Variants in CHD6 observed in about 807,000 individuals in gnomAD.
The protein encoded by CHD6 is chromodomain helicase DNA binding protein 6.
Under a neutral mutation model 276.9 loss-of-function variants are expected in CHD6, and 50 were observed. The observed-to-expected ratio is 0.18, with a 90% CI of 0.14 to 0.23. CHD6 has a LOEUF of 0.23. Ranked by LOEUF, CHD6 falls within the 10% of genes least tolerant of loss-of-function variation. The pLI is 1.00. For synonymous variants in CHD6, 1,173 were observed against 1,229.3 expected, an observed-to-expected ratio of 0.95 and a Z score of 0.96; for missense variants, 2,564 against 3,365.8, an observed-to-expected ratio of 0.76 and a Z score of 5.89.
intron 27 of CHD6, among the ~76,000 whole-genome samples, chr20:41,429,143 C>T (rs2047454770): frequency 1.3e-5 from 2 of 152,212 alleles, no homozygotes; most frequent in Admixed American, 1.3e-4. Flanking sequence ...CACGGACATG[C>T]ATGCTTTTGA....
intron 1 of CHD6, among the ~76,000 whole-genome samples, chr20:41,577,495 C>G (rs1479173162): frequency 6.6e-6 from 1 of 152,050 alleles, no homozygotes; most frequent in Non-Finnish European, 1.5e-5. Flanking sequence ...TATTTCTGCT[C>G]TAAGGTCAAG....
chr20:41,543,028 C>T (rs911527176), intron 2 of CHD6, among the ~76,000 whole-genome samples: 3 of 147,666 alleles, frequency 2.0e-5, no homozygotes, highest in South Asian at 2.2e-4. Flanking sequence ...TGCTTGATTC[C>T]GGGAGGTGGA....
Position 41,447,874 on chromosome 20 carries a change from T to G in CHD6, c.3773+8A>C, listed in dbSNP as rs2048118703. ...TAACGTTGATATGTTAAGTTTCATT[T>G]GCTTTACCTGGCAGGAGATCCTTCA... On this transcript the variant is annotated splice_region_variant and intron_variant, in intron 24 of 36. Transcript: ENST00000373233. 1 of 1,595,688 alleles carries G rather than the reference T, an allele frequency of 6.3e-7. No individual in the cohort carries two copies. The highest frequency in any genetic ancestry group is 8.6e-7 in the Non-Finnish European group (1 of 1,167,050).
intron 2 of CHD6, among the ~76,000 whole-genome samples, chr20:41,549,158 A>T (rs1307580098): frequency 1.3e-5 from 2 of 151,860 alleles, no homozygotes. Context: ...TACCCAAAGG[A>T]TTATAAATCA....
chr20:41,469,997 C>G (rs1472672003), intron 17 of CHD6, among the ~76,000 whole-genome samples: 2 of 152,192 alleles, frequency 1.3e-5, no homozygotes, highest in Middle Eastern at 3.2e-3. Context: ...TGTCAGCGTC[C>G]CAGCCTCCAC....
chr20:41,434,478 C>T (rs1600848916), intron 27 of CHD6, among the ~76,000 whole-genome samples: 1 of 152,138 alleles, frequency 6.6e-6, no homozygotes, highest in South Asian at 2.1e-4. Flanking sequence ...TCAAGTGGTT[C>T]TCATGCCTCA....
chr20:41,556,112 C>T (rs527590940), intron 1 of CHD6, among the ~76,000 whole-genome samples: 55 of 151,958 alleles, frequency 3.6e-4, no homozygotes, highest in African/African-American at 1.1e-3. Context: ...ACCAGTCAGG[C>T]GTGGCGGCGC....
At chr20:41,566,487 T>C (rs1279542680) in intron 1 of CHD6, among the ~76,000 whole-genome samples, 2 of 152,084 alleles carry the variant, frequency 1.3e-5, no homozygotes, top group African/African-American at 4.8e-5. Context: ...CCTCCAATGG[T>C]CTATCCCCAA....
chr20:41,455,675 C>G, intron 19 of CHD6, 125 bp downstream of exon 19: 1 of 661,210 alleles, frequency 1.5e-6, no homozygotes, highest in Non-Finnish European at 2.6e-6. Flanking sequence ...GTCACGCAGA[C>G]TAAATGTGCA....
At chr20:41,591,627 A>G (rs188507655) in intron 1 of CHD6, among the ~76,000 whole-genome samples, 120 of 152,266 alleles carry the variant, frequency 7.9e-4, no homozygotes, top group African/African-American at 2.8e-3. Flanking sequence ...CGGGAGGCGG[A>G]GGTTGTGGTA....
intron 5 of CHD6, among the ~76,000 whole-genome samples, chr20:41,502,969 C>A (rs975978596): frequency 6.6e-5 from 10 of 152,182 alleles, no homozygotes; most frequent in Non-Finnish European, 1.2e-4. Context: ...CATGCCACTG[C>A]ACTCCAGCCT....
chr20:41,588,186 A>G (rs538952881), intron 1 of CHD6, among the ~76,000 whole-genome samples: 3 of 152,298 alleles, frequency 2.0e-5, no homozygotes, highest in East Asian at 3.9e-4. Context: ...GTTGTCCTGG[A>G]TCCAGCAGGA....
chr20:41,586,050 C>A (rs1601168611), intron 1 of CHD6, among the ~76,000 whole-genome samples: 1 of 152,254 alleles, frequency 6.6e-6, no homozygotes, highest in South Asian at 2.1e-4. Flanking sequence ...ATAGTCAAAT[C>A]ATATATCGCC....
At chr20:41,463,289 G>A (rs2042844516) in intron 17 of CHD6, among the ~76,000 whole-genome samples, 1 of 152,184 alleles carries the variant, frequency 6.6e-6, no homozygotes, top group Admixed American at 6.5e-5. Flanking sequence ...TCATCACTTT[G>A]TAACCATCAT....
At chr20:41,428,781 CTT>C (rs879689971) in intron 27 of CHD6, among the ~76,000 whole-genome samples, 3 of 152,194 alleles carry the variant, frequency 2.0e-5, no homozygotes, top group South Asian at 2.1e-4. Context: ...AGATAGCACT[CTT>C]GTGTCCCCTG....
intron 1 of CHD6, among the ~76,000 whole-genome samples, chr20:41,588,276 A>T (rs2045617640): frequency 1.3e-5 from 2 of 152,252 alleles, no homozygotes; most frequent in South Asian, 4.1e-4. Flanking sequence ...CAACAATAAG[A>T]ATTTTATTTT....
chr20:41,541,032 G>GA (rs33999422), intron 2 of CHD6, among the ~76,000 whole-genome samples: 8,276 of 103,732 alleles, frequency 0.08, 660 homozygotes, highest in African/African-American at 0.23. Context: ...ACTAAATGTA[G>GA]AAAAAAAAAA....
At chr20:41,578,719 G>A (rs1009786071) in intron 1 of CHD6, among the ~76,000 whole-genome samples, 1 of 149,250 alleles carries the variant, frequency 6.7e-6, no homozygotes, top group African/African-American at 2.5e-5. Context: ...AAGAAAGAAA[G>A]AAATTTTCTA....
chr20:41,551,455 A>G (rs1340162038), intron 1 of CHD6, 95 bp from the exon 2 acceptor site: 2 of 616,680 alleles, frequency 3.2e-6, no homozygotes, highest in African/African-American at 3.8e-5. Context: ...AAGGAAAACA[A>G]ACAGGGGATT....
Sources: gnomAD v4.1 joint callset for allele counts (sites outside exome capture counted in the v4.1 genomes callset) on GRCh38, gnomAD v4.1.1 for gene constraint, MANE v1.5 for transcripts, NCBI Gene and HGNC (gene_info 2026-07-23, HGNC 2026-07-21) for gene names.